Variants in SPIDR observed in about 807,000 individuals in gnomAD.
The protein encoded by SPIDR is DNA repair-scaffolding protein.
A neutral mutation model predicts 104.6 loss-of-function variants in SPIDR; 93 were observed. The observed-to-expected ratio is 0.89, with a 90% confidence interval of 0.75 to 1.06. SPIDR has a LOEUF of 1.06. Among genes scored for constraint, SPIDR ranks in the 50% least tolerant of loss-of-function variants. The probability of loss-of-function intolerance (pLI) is 0.00; values close to 1 mark genes in which losing one functional copy is unlikely to be tolerated. For synonymous variants in SPIDR, 431 were observed against 416.9 expected, an observed-to-expected ratio of 1.03 and a Z score of -0.41; for missense variants, 1,154 against 1,111.2, an observed-to-expected ratio of 1.04 and a Z score of -0.55.
intron 8 of SPIDR, among the ~76,000 whole-genome samples, chr8:47,468,373 C>T (rs943546731): frequency 2.6e-5 from 4 of 151,988 alleles, no homozygotes; most frequent in Non-Finnish European, 4.4e-5. Context: ...CACATGTATC[C>T]AAAAATGAGC....
chr8:47,580,276 T>A (rs778636152), intron 8 of SPIDR, among the ~76,000 whole-genome samples: 8 of 152,202 alleles, frequency 5.3e-5, no homozygotes, highest in Admixed American at 1.3e-4. Flanking sequence ...TAGTTTTTGC[T>A]AAACAATAGA....
chr8:47,273,232 A>T (rs2035691946), intron 1 of SPIDR, among the ~76,000 whole-genome samples: 2 of 152,184 alleles, frequency 1.3e-5, no homozygotes, highest in African/African-American at 2.4e-5. Context: ...TGATCAATTG[A>T]ATATAAATAG....
chr8:47,546,081 T>A (rs1469091084), intron 8 of SPIDR, among the ~76,000 whole-genome samples: 2 of 152,198 alleles, frequency 1.3e-5, no homozygotes, highest in East Asian at 3.8e-4. Flanking sequence ...ATAGTTTTTG[T>A]ACTGTTTTGT....
intron 5 of SPIDR, among the ~76,000 whole-genome samples, chr8:47,343,884 A>G (rs2051292382): frequency 6.6e-6 from 1 of 152,056 alleles, no homozygotes; most frequent in Admixed American, 6.6e-5. Context: ...GGAAAAGAAA[A>G]TGCTTGTAGG....
In SPIDR at chr8:47,654,279, T is replaced by C. The variant is rs575097778; in HGVS notation, c.1545-19522T>C. ...GAAGCACCTGCCTAATCCATGTAGG[T>C]GGCAGGAAGGGCCACAAGCAAGGCA... is the stretch of plus-strand genomic sequence containing the variant. On this transcript the variant is annotated intron_variant, in intron 10 of 19. Coordinates refer to ENST00000297423, the MANE Select transcript of SPIDR (RefSeq NM_001080394.4). 910 of 810,402 alleles carry C rather than the reference T, an allele frequency of 1.1e-3. 7 individuals are homozygous for C. Among genetic ancestry groups the C allele is most frequent in the South Asian group, 9.2e-3 (621 of 67,680 alleles). The allele number at this position is 810,402 out of a possible 1,614,324, so 50.2% of individuals were successfully genotyped here.
At chr8:47,375,362 C>T (rs182618973) in intron 5 of SPIDR, among the ~76,000 whole-genome samples, 20 of 149,704 alleles carry the variant, frequency 1.3e-4, no homozygotes, top group Admixed American at 4.0e-4. Flanking sequence ...CTGCTTCAAC[C>T]TTCCAAGTAG....
At chr8:47,529,104 A>G (rs1285416900) in intron 8 of SPIDR, among the ~76,000 whole-genome samples, 1 of 152,196 alleles carries the variant, frequency 6.6e-6, no homozygotes, top group Non-Finnish European at 1.5e-5. Flanking sequence ...TCTTGCAAAC[A>G]AAAAGATGTA....
chr8:47,516,036 C>A (rs1586978260), intron 8 of SPIDR, among the ~76,000 whole-genome samples: 2 of 152,364 alleles, frequency 1.3e-5, no homozygotes, highest in East Asian at 3.9e-4. Flanking sequence ...GTCTCGATCT[C>A]CTGACCTCGT....
intron 5 of SPIDR, among the ~76,000 whole-genome samples, chr8:47,378,691 AATCTC>A (rs1234711895): frequency 6.6e-6 from 1 of 152,204 alleles, no homozygotes; most frequent in African/African-American, 2.4e-5. Flanking sequence ...ACCCCAAAGT[AATCTC>A]ATGAGGATTA....
At chr8:47,630,130 A>G (rs1186553302) in intron 10 of SPIDR, among the ~76,000 whole-genome samples, 1 of 152,254 alleles carries the variant, frequency 6.6e-6, no homozygotes, top group Admixed American at 6.5e-5. Flanking sequence ...TTTGTCTCAA[A>G]TATGTTAAAT....
intron 7 of SPIDR, among the ~76,000 whole-genome samples, chr8:47,411,277 C>G (rs1301052635): frequency 6.6e-6 from 1 of 152,226 alleles, no homozygotes; most frequent in Non-Finnish European, 1.5e-5. Context: ...GTCCCACCAA[C>G]AGTGTAAAAG....
At position 47,521,264 on chromosome 8, in the gene SPIDR, C is replaced by T. The variant is rs530469671; in HGVS notation, c.1098-74547C>T. On this transcript the variant is annotated intron_variant, in intron 8 of 19. Coordinates refer to ENST00000297423, the MANE Select transcript of SPIDR (RefSeq NM_001080394.4). The stretch of plus-strand genomic sequence containing the variant: ...GCTTTGGCTAATCAACTAGTAATAA[C>T]TGTGTTTCACATTTCTTCCTTTCCT... Among the ~76,000 whole-genome samples, 29 of 152,226 alleles carry T rather than the reference C, an allele frequency of 1.9e-4. No homozygotes were observed. The South Asian group carries it at 4.1e-3, about 22-fold the overall frequency.
At chr8:47,578,276 T>A (rs2059351195) in intron 8 of SPIDR, among the ~76,000 whole-genome samples, 1 of 152,100 alleles carries the variant, frequency 6.6e-6, no homozygotes, top group South Asian at 2.1e-4. Context: ...ATTGAGATCA[T>A]CCTGGCTAAC....
intron 10 of SPIDR, among the ~76,000 whole-genome samples, chr8:47,656,983 T>C (rs1221189125): frequency 6.6e-6 from 1 of 152,138 alleles, no homozygotes; most frequent in Non-Finnish European, 1.5e-5. Context: ...AGAAATCCAA[T>C]CAATTGTTGC....
At chr8:47,531,803 A>G (rs2154384700) in intron 8 of SPIDR, among the ~76,000 whole-genome samples, 1 of 152,360 alleles carries the variant, frequency 6.6e-6, no homozygotes, top group East Asian at 1.9e-4. Flanking sequence ...GACCACTGTC[A>G]TATATGCAGT....
intron 8 of SPIDR, among the ~76,000 whole-genome samples, chr8:47,499,889 A>G (rs1192275956): frequency 4.6e-5 from 7 of 151,480 alleles, no homozygotes; most frequent in Admixed American, 2.0e-4. Context: ...GAGAACATGC[A>G]GTGTTTGGTT....
chr8:47,406,547 T>A (rs1300996230), intron 6 of SPIDR, among the ~76,000 whole-genome samples: 3 of 152,196 alleles, frequency 2.0e-5, no homozygotes, highest in Admixed American at 6.6e-5. Context: ...CTGTTACATG[T>A]ACTACACGCA....
At chr8:47,452,551 G>T (rs1308914729) in intron 8 of SPIDR, among the ~76,000 whole-genome samples, 1 of 152,158 alleles carries the variant, frequency 6.6e-6, no homozygotes, top group Non-Finnish European at 1.5e-5. Context: ...TGCAAGGCTG[G>T]TTCAACATAT....
chr8:47,352,075 G>A (rs2053598516), intron 5 of SPIDR, among the ~76,000 whole-genome samples: 2 of 151,972 alleles, frequency 1.3e-5, no homozygotes. Context: ...TCAAGAGATC[G>A]AGACTATCCT....
Sources: allele counts gnomAD v4.1 joint callset (sites outside exome capture counted in the v4.1 genomes callset), GRCh38; gene constraint gnomAD v4.1.1; transcripts MANE v1.5; gene names NCBI Gene and HGNC (gene_info 2026-07-23, HGNC 2026-07-21).